KCTD8: variants seen among roughly 807,000 people sequenced by gnomAD.
KCTD8 encodes the protein potassium channel tetramerization domain containing 8.
In KCTD8, 27 loss-of-function variants were observed where a neutral mutation model predicts 31.5. That is an observed-to-expected ratio of 0.86 (90% CI 0.63 to 1.18). The LOEUF is 1.18. Ranked by LOEUF, KCTD8 falls within the 50% of genes most tolerant of loss-of-function variation. KCTD8 has a pLI of 0.00. For missense variants in KCTD8, 658 were observed against 647.7 expected, an observed-to-expected ratio of 1.02 and a Z score of -0.17; for synonymous variants, 290 against 280.0, an observed-to-expected ratio of 1.04 and a Z score of -0.36.
intron 1 of KCTD8, among the ~76,000 whole-genome samples, chr4:44,432,623 G>A (rs778441585): frequency 1.3e-4 from 20 of 151,476 alleles, no homozygotes; most frequent in African/African-American, 2.9e-4. Context: ...CATTAACTAC[G>A]CTTTTATCAG....
intron 1 of KCTD8, among the ~76,000 whole-genome samples, chr4:44,179,612 G>T (rs1023496105): frequency 6.6e-6 from 1 of 151,232 alleles, no homozygotes; most frequent in Non-Finnish European, 1.5e-5. Flanking sequence ...AGACCAAACA[G>T]ATTCGGAGGT....
intron 1 of KCTD8, among the ~76,000 whole-genome samples, chr4:44,346,810 A>G (rs2109421961): frequency 6.6e-6 from 1 of 152,332 alleles, no homozygotes; most frequent in East Asian, 1.9e-4. Context: ...AAGGAAATAT[A>G]TATCTTCATG....
At chr4:44,292,108 C>T (rs1717298502) in intron 1 of KCTD8, among the ~76,000 whole-genome samples, 1 of 151,986 alleles carries the variant, frequency 6.6e-6, no homozygotes, top group South Asian at 2.1e-4. Context: ...TTCAACCCAG[C>T]AATCCCATTA....
intron 1 of KCTD8, among the ~76,000 whole-genome samples, chr4:44,346,629 A>T (rs1719044163): frequency 6.6e-6 from 1 of 152,150 alleles, no homozygotes; most frequent in African/African-American, 2.4e-5. Context: ...TACAAATGTC[A>T]CCCACCTCTT....
intron 1 of KCTD8, among the ~76,000 whole-genome samples, chr4:44,424,311 T>G (rs1025434399): frequency 3.9e-5 from 6 of 152,074 alleles, no homozygotes. Context: ...ATACGTAGTA[T>G]CAGGCATGTC....
intron 1 of KCTD8, among the ~76,000 whole-genome samples, chr4:44,271,644 A>G (rs1560412140): frequency 6.6e-6 from 1 of 152,162 alleles, no homozygotes; most frequent in Non-Finnish European, 1.5e-5. Context: ...AAAACTGCTT[A>G]AAGGCATTCT....
At chr4:44,292,876 C>T (rs1014711340) in intron 1 of KCTD8, among the ~76,000 whole-genome samples, 2 of 152,002 alleles carry the variant, frequency 1.3e-5, no homozygotes, top group Non-Finnish European at 2.9e-5. Flanking sequence ...TTAATTATAA[C>T]TTTGAATTCT....
intron 1 of KCTD8, among the ~76,000 whole-genome samples, chr4:44,357,015 C>A (rs1719360125): frequency 6.6e-6 from 1 of 151,674 alleles, no homozygotes; most frequent in Admixed American, 6.6e-5. Flanking sequence ...GACTATCCTC[C>A]TTTGTAAGAT....
At chr4:44,326,327 G>C (rs1718442923) in intron 1 of KCTD8, among the ~76,000 whole-genome samples, 1 of 151,682 alleles carries the variant, frequency 6.6e-6, no homozygotes, top group African/African-American at 2.4e-5. Flanking sequence ...TTTGGTAGCT[G>C]TCTGCATTTT....
intron 1 of KCTD8, among the ~76,000 whole-genome samples, chr4:44,402,242 GA>G (rs1720682611): frequency 6.6e-6 from 1 of 151,978 alleles, no homozygotes; most frequent in South Asian, 2.1e-4. Flanking sequence ...TGGTATCTTT[GA>G]ATTTAAGGCT....
chr4:44,286,225 T>G (rs191496310), intron 1 of KCTD8, among the ~76,000 whole-genome samples: 80 of 152,178 alleles, frequency 5.3e-4, no homozygotes, highest in Middle Eastern at 3.4e-3. Context: ...CTCACAAAAT[T>G]TTATCTAGGC....
chr4:44,326,292 A>T (rs1319235490), intron 1 of KCTD8, among the ~76,000 whole-genome samples: 3 of 151,698 alleles, frequency 2.0e-5, no homozygotes, highest in African/African-American at 7.3e-5. Context: ...ATTAGACATG[A>T]TTGGGTGCAT....
intron 1 of KCTD8, among the ~76,000 whole-genome samples, chr4:44,418,542 T>C (rs1721133177): frequency 6.6e-6 from 1 of 152,134 alleles, no homozygotes; most frequent in Non-Finnish European, 1.5e-5. Flanking sequence ...AACTATCAAG[T>C]AGTTATTTTT....
At chr4:44,320,859 TG>T (rs1718276580) in intron 1 of KCTD8, among the ~76,000 whole-genome samples, 1 of 151,750 alleles carries the variant, frequency 6.6e-6, no homozygotes, top group African/African-American at 2.4e-5. Context: ...ACCTCCTCTT[TG>T]CTAATGCACT....
intron 1 of KCTD8, among the ~76,000 whole-genome samples, chr4:44,407,579 T>C (rs952311637): frequency 6.6e-6 from 1 of 151,810 alleles, no homozygotes; most frequent in Non-Finnish European, 1.5e-5. Flanking sequence ...AGAGACGAGG[T>C]TTCTCCATGT....
chr4:44,228,389 C>T (rs1432233386), intron 1 of KCTD8, among the ~76,000 whole-genome samples: 1 of 152,062 alleles, frequency 6.6e-6, no homozygotes, highest in Non-Finnish European at 1.5e-5. Context: ...ACCTTAGTTA[C>T]CTTTTTAGAG....
chr4:44,353,095 A>C (rs553210124), intron 1 of KCTD8, among the ~76,000 whole-genome samples: 1 of 152,126 alleles, frequency 6.6e-6, no homozygotes, highest in Non-Finnish European at 1.5e-5. Context: ...CAAAATTCAA[A>C]AAGTTATCTT....
At chr4:44,182,870 T>C (rs1713470856) in intron 1 of KCTD8, among the ~76,000 whole-genome samples, 1 of 152,242 alleles carries the variant, frequency 6.6e-6, no homozygotes, top group Non-Finnish European at 1.5e-5. Flanking sequence ...CTCAGTCTCC[T>C]CATGTTTAAA....
rs192702668 is a variant in KCTD8 at position 44,373,833 on chromosome 4, C to T, written c.961+73730G>A. ...ATAAGATAAGGATTTCTTATTCTTT[C>T]TCCCTCTTTCATTCTCATTTCAGAT... On this transcript the variant is annotated intron_variant, in intron 1 of 1. Coordinates refer to ENST00000360029, the MANE Select transcript of KCTD8 (RefSeq NM_198353.3). 3.4e-3 allele frequency among the ~76,000 whole-genome samples: 518 copies of T among 152,212 alleles called. 3 individuals are homozygous for T. Among genetic ancestry groups the T allele is most frequent in the African/African-American group, 0.011 (474 of 41,540 alleles).
Sources: gnomAD v4.1 joint callset for allele counts (sites outside exome capture counted in the v4.1 genomes callset) on GRCh38, gnomAD v4.1.1 for gene constraint, MANE v1.5 for transcripts, NCBI Gene and HGNC (gene_info 2026-07-23, HGNC 2026-07-21) for gene names.